RHEX: variants seen among roughly 807,000 people sequenced by gnomAD.
The protein encoded by RHEX is regulator of hemoglobinization and erythroid cell expansion protein.
In RHEX, 18 loss-of-function variants were observed where a neutral mutation model predicts 20.1. That is an observed-to-expected ratio of 0.90 (90% CI 0.62 to 1.33). The LOEUF (loss-of-function observed/expected upper bound fraction) is 1.33, where lower values mean the gene tolerates loss of function less well. RHEX is among the 40% of genes most tolerant of loss of function. The pLI, the probability that RHEX is intolerant of heterozygous loss-of-function variation, is 0.00. For missense variants in RHEX, 192 were observed against 214.3 expected (o/e 0.90, Z 0.65); for synonymous variants, 87 against 77.1 (o/e 1.13, Z -0.67).
At chr1:206,069,696 T>C (rs1165950845) in intron 1 of RHEX, among the ~76,000 whole-genome samples, 1 of 151,636 alleles carries the variant, frequency 6.6e-6, no homozygotes, top group Non-Finnish European at 1.5e-5. Flanking sequence ...TTGTAACATG[T>C]GAAAACATCT....
chr1:206,064,855 G>T (rs1283651272), intron 1 of RHEX, among the ~76,000 whole-genome samples: 10 of 152,136 alleles, frequency 6.6e-5, no homozygotes, highest in African/African-American at 2.4e-4. Flanking sequence ...GTGGGGAAAA[G>T]ATTGAGAAAT....
chr1:206,066,610 T>TGCA (rs1662427902), intron 1 of RHEX, among the ~76,000 whole-genome samples: 1 of 151,980 alleles, frequency 6.6e-6, no homozygotes, highest in South Asian at 2.1e-4. Context: ...AGAGAGAGAC[T>TGCA]CTGTCTCAAA....
At chr1:206,080,787 C>T (rs370605651) in intron 1 of RHEX, among the ~76,000 whole-genome samples, 26 of 152,234 alleles carry the variant, frequency 1.7e-4, no homozygotes, top group African/African-American at 5.3e-4. Context: ...TCCCAGTAGC[C>T]TCTGAGCAGG....
Position 206,097,727 on chromosome 1 carries a change from T to C in RHEX, c.-96-6T>C, listed in dbSNP as rs1663101569. The C allele has an allele frequency of 6.2e-7, 1 of 1,606,614 alleles. No individual in the cohort carries two copies. Among genetic ancestry groups the C allele is most frequent in the Non-Finnish European group, 8.5e-7 (1 of 1,173,832 alleles). ...GGAGTCCTGACCAGCTCCTTACCTC[T>C]TGCAGATCTCCAGCACCCTGCCGGT... is the stretch of plus-strand genomic sequence containing the variant. On this transcript the variant is annotated splice_region_variant and splice_polypyrimidine_tract_variant and intron_variant, in intron 1 of 5. Transcript: ENST00000331555.
intron 1 of RHEX, among the ~76,000 whole-genome samples, chr1:206,096,095 G>T (rs781904963): frequency 1.3e-5 from 2 of 152,150 alleles, no homozygotes; most frequent in Non-Finnish European, 2.9e-5. Context: ...CTCCCAAAGC[G>T]CTGGGGTTAT....
chr1:206,084,620 G>A (rs1312933380), intron 1 of RHEX, among the ~76,000 whole-genome samples: 5 of 152,316 alleles, frequency 3.3e-5, no homozygotes, highest in Non-Finnish European at 7.4e-5. Flanking sequence ...AGGAAGACTT[G>A]TTGATTGGCT....
chr1:206,070,399 C>T (rs577503224), intron 1 of RHEX, among the ~76,000 whole-genome samples: 5 of 152,210 alleles, frequency 3.3e-5, no homozygotes, highest in South Asian at 4.2e-4. Flanking sequence ...CACTGCTAGA[C>T]GTTTGGCTAT....
intron 4 of RHEX, among the ~76,000 whole-genome samples, chr1:206,100,066 C>G (rs997791145): frequency 5.3e-5 from 8 of 152,180 alleles, no homozygotes; most frequent in Admixed American, 5.2e-4. Flanking sequence ...TGGGAAATGT[C>G]CCTGCTCTTC....
chr1:206,079,840 A>G (rs1383332332), intron 1 of RHEX, among the ~76,000 whole-genome samples: 1 of 152,246 alleles, frequency 6.6e-6, no homozygotes. Context: ...GGCCTGAGCC[A>G]CCGTGCCCCA....
chr1:206,076,105 T>G (rs1254314591), intron 1 of RHEX, among the ~76,000 whole-genome samples: 1 of 152,130 alleles, frequency 6.6e-6, no homozygotes, highest in African/African-American at 2.4e-5. Flanking sequence ...GTAAGTGAAT[T>G]TCCTTCCAGT....
intron 1 of RHEX, among the ~76,000 whole-genome samples, chr1:206,058,415 C>T (rs1345935146): frequency 2.0e-5 from 3 of 152,218 alleles, no homozygotes; most frequent in Admixed American, 6.5e-5. Context: ...AAGTGAGAGT[C>T]TCAAAGAGGG....
intron 1 of RHEX, among the ~76,000 whole-genome samples, chr1:206,069,105 T>C (rs1553284434): frequency 6.6e-6 from 1 of 152,214 alleles, no homozygotes; most frequent in Non-Finnish European, 1.5e-5. Context: ...AAGAGACGTC[T>C]CTCTTGGGCA....
chr1:206,098,458 A>G (rs1553288030), intron 3 of RHEX: 2 of 400,526 alleles, frequency 5.0e-6, no homozygotes, highest in African/African-American at 2.0e-5. Flanking sequence ...AGCTTTTGCA[A>G]TGCCTACGAG....
chr1:206,083,607 G>A lies in RHEX; in HGVS notation c.-96-14126G>A, dbSNP rs1275392860. ...GGGGAGATATTTCCGTTAGGACATC[G>A]CTGAAACACAGACTGGGATCAAACT... is the stretch of plus-strand genomic sequence containing the variant. On this transcript the variant is annotated intron_variant, in intron 1 of 5. Coordinates refer to ENST00000331555, the MANE Select transcript of RHEX (RefSeq NM_001007544.4). 1.7e-5 allele frequency: 17 copies of A among 985,304 alleles called. No homozygotes were observed. The South Asian group carries it at 1.9e-4, about 11-fold the overall frequency. 61.0% of individuals were successfully genotyped at this position (985,304 alleles called of 1,614,324 possible).
At chr1:206,079,711 A>G (rs527756511) in intron 1 of RHEX, among the ~76,000 whole-genome samples, 1 of 152,150 alleles carries the variant, frequency 6.6e-6, no homozygotes, top group Non-Finnish European at 1.5e-5. Flanking sequence ...GTGTGCTACC[A>G]CGCCGGGCTA....
intron 1 of RHEX, among the ~76,000 whole-genome samples, chr1:206,064,125 C>T (rs370546610): frequency 1.3e-5 from 2 of 149,340 alleles, no homozygotes; most frequent in East Asian, 2.0e-4. Context: ...CCGGCCGCCC[C>T]GTCTGAGAAG....
intron 1 of RHEX, among the ~76,000 whole-genome samples, chr1:206,070,187 A>G (rs1662499977): frequency 6.6e-6 from 1 of 152,120 alleles, no homozygotes; most frequent in Non-Finnish European, 1.5e-5. Flanking sequence ...GCATTGAGAG[A>G]AATTCTACCA....
chr1:206,094,928 C>T (rs1301595568), intron 1 of RHEX, among the ~76,000 whole-genome samples: 1 of 152,092 alleles, frequency 6.6e-6, no homozygotes, highest in Non-Finnish European at 1.5e-5. Flanking sequence ...GAACATATAT[C>T]AAATTCAGTG....
Position 206,064,081 on chromosome 1 carries a change from G to A in RHEX, c.-97+10816G>A, listed in dbSNP as rs1269560196. 2.7e-5 allele frequency among the ~76,000 whole-genome samples: 4 copies of A among 147,556 alleles called. No homozygotes were observed. In the East Asian group the frequency reaches 6.2e-4, roughly 23 times the overall value. The stretch of plus-strand genomic sequence containing the variant: ...ATGTGAGGAGCGCCTCTGCCCAGCC[G>A]CGACCCCGTCTGGGAGGTGAGGAGC... On this transcript the variant is annotated intron_variant, in intron 1 of 5. Transcript: ENST00000331555.
Sources: gnomAD v4.1 joint callset for allele counts (sites outside exome capture counted in the v4.1 genomes callset) on GRCh38, gnomAD v4.1.1 for gene constraint, MANE v1.5 for transcripts, NCBI Gene and HGNC (gene_info 2026-07-23, HGNC 2026-07-21) for gene names.